Variants in CNTNAP2 observed in about 807,000 individuals in gnomAD.
CNTNAP2 encodes the protein contactin associated protein 2.
In CNTNAP2, 98 loss-of-function variants were observed where a neutral mutation model predicts 155.2. The observed-to-expected ratio is 0.63, with a 90% confidence interval of 0.54 to 0.75. The LOEUF is 0.75. CNTNAP2 is among the 30% of genes least tolerant of loss of function. The probability of loss-of-function intolerance (pLI) is 0.00; values close to 1 mark genes in which losing one functional copy is unlikely to be tolerated. For synonymous variants in CNTNAP2, 651 were observed against 631.2 expected (o/e 1.03, Z -0.47); for missense variants, 1,727 against 1,688.1 (o/e 1.02, Z -0.40).
At chr7:147,288,635 GT>G (rs1303286542) in intron 8 of CNTNAP2, among the ~76,000 whole-genome samples, 1 of 152,188 alleles carries the variant, frequency 6.6e-6, no homozygotes, top group African/African-American at 2.4e-5. Context: ...GTAGTTTGCA[GT>G]TACTCATGGC....
intron 1 of CNTNAP2, among the ~76,000 whole-genome samples, chr7:146,144,298 C>T (rs6978390): frequency 0.021 from 3,142 of 151,960 alleles, 119 homozygotes; most frequent in African/African-American, 0.072. Context: ...ACCACAGGTG[C>T]GCACCAGCGT....
At chr7:148,409,183 A>T (rs1236068659) in intron 22 of CNTNAP2, among the ~76,000 whole-genome samples, 1 of 152,194 alleles carries the variant, frequency 6.6e-6, no homozygotes, top group African/African-American at 2.4e-5. Flanking sequence ...GTGTTTACCT[A>T]GGCCTTGTGC....
At chr7:148,228,871 C>T (rs1376799508) in intron 19 of CNTNAP2, among the ~76,000 whole-genome samples, 1 of 150,664 alleles carries the variant, frequency 6.6e-6, no homozygotes, top group Non-Finnish European at 1.5e-5. Flanking sequence ...ATTGTATGCT[C>T]ATGATTCTTT....
chr7:147,068,859 A>T, intron 4 of CNTNAP2, among the ~76,000 whole-genome samples: 1 of 152,162 alleles, frequency 6.6e-6, no homozygotes, highest in East Asian at 1.9e-4. Context: ...CCCGTGTGTT[A>T]GTCCTTTCTG....
intron 13 of CNTNAP2, among the ~76,000 whole-genome samples, chr7:147,891,838 T>C (rs1330633321): frequency 6.6e-6 from 1 of 152,086 alleles, no homozygotes; most frequent in African/African-American, 2.4e-5. Context: ...ATTAACTTGA[T>C]ACCAAAAACA....
At chr7:146,987,548 G>A (rs1798134405) in intron 3 of CNTNAP2, among the ~76,000 whole-genome samples, 1 of 152,068 alleles carries the variant, frequency 6.6e-6, no homozygotes, top group Admixed American at 6.5e-5. Context: ...AAATGGATTA[G>A]TTTGCAAAAC....
At chr7:147,071,520 ATCAATTTT>A (rs1799891280) in intron 4 of CNTNAP2, among the ~76,000 whole-genome samples, 1 of 152,106 alleles carries the variant, frequency 6.6e-6, no homozygotes, top group Admixed American at 6.6e-5. Context: ...AAAGCTTCAT[ATCAATTTT>A]TGTAACCCCA....
At chr7:146,287,436 G>C (rs1418728526) in intron 1 of CNTNAP2, among the ~76,000 whole-genome samples, 1 of 152,156 alleles carries the variant, frequency 6.6e-6, no homozygotes, top group East Asian at 1.9e-4. Context: ...GCCTGTAGGG[G>C]CAACTTCTCC....
intron 11 of CNTNAP2, among the ~76,000 whole-genome samples, chr7:147,543,622 ATGTTT>A (rs1175834656): frequency 3.9e-5 from 6 of 152,138 alleles, no homozygotes; most frequent in African/African-American, 7.2e-5. Flanking sequence ...CAGAGTTTTT[ATGTTT>A]TATTCCCAAG....
chr7:148,125,716 T>G (rs75451457), intron 16 of CNTNAP2, among the ~76,000 whole-genome samples: 1 of 150,284 alleles, frequency 6.7e-6, no homozygotes, highest in South Asian at 2.1e-4. Context: ...TTTTTTTTTT[T>G]GGACAGATTC....
Position 146,754,128 on chromosome 7 carries a change from T to C in CNTNAP2, c.98-20143T>C, listed in dbSNP as rs146472608. On this transcript the variant is annotated intron_variant, in intron 1 of 23. Transcript: ENST00000361727. ...TGAAGTTTAATGCCTCATATCTTAA[T>C]ATTCTCTTTTGATTCCCTTAAGGCA... 3.7e-4 allele frequency among the ~76,000 whole-genome samples: 56 copies of C among 152,110 alleles called. No individual in the cohort carries two copies. The East Asian group carries it at 9.7e-3, about 26-fold the overall frequency.
Position 147,121,164 on chromosome 7 carries a change from G to A in CNTNAP2, c.939+1G>A. ...TGACTACCTGGACTTGGACTATGAG[G>A]TACATGTGATGACGTAGAAATTGTA... On this transcript the variant is annotated splice_donor_variant, in intron 6 of 23. Transcript: ENST00000361727. LOFTEE classifies it high-confidence loss of function. The A allele has an allele frequency of 6.2e-7, 1 of 1,613,914 alleles. No individual in the cohort carries two copies. The highest frequency in any genetic ancestry group is 2.2e-5 in the East Asian group (1 of 44,880).
At chr7:147,396,345 T>A (rs1039360817) in intron 10 of CNTNAP2, among the ~76,000 whole-genome samples, 1 of 151,738 alleles carries the variant, frequency 6.6e-6, no homozygotes, top group Non-Finnish European at 1.5e-5. Context: ...ATGTGCCTTC[T>A]CTTTCTGTCT....
At chr7:147,997,944 G>A (rs982107920) in intron 15 of CNTNAP2, among the ~76,000 whole-genome samples, 2 of 152,012 alleles carry the variant, frequency 1.3e-5, no homozygotes, top group Admixed American at 1.3e-4. Context: ...GTCTGAGGAC[G>A]GATGAAATCA....
intron 1 of CNTNAP2, among the ~76,000 whole-genome samples, chr7:146,667,266 C>T (rs752496351): frequency 2.0e-5 from 3 of 152,034 alleles, no homozygotes; most frequent in African/African-American, 4.8e-5. Context: ...GTTTTCAGTA[C>T]ATTTGTCAAA....
chr7:148,241,651 TA>T (rs1796159672), intron 20 of CNTNAP2, among the ~76,000 whole-genome samples: 2 of 152,230 alleles, frequency 1.3e-5, no homozygotes, highest in African/African-American at 4.8e-5. Context: ...AGGATCACAT[TA>T]GCTTATTTAT....
At chr7:146,824,923 C>G (rs1803371102) in intron 2 of CNTNAP2, among the ~76,000 whole-genome samples, 1 of 149,472 alleles carries the variant, frequency 6.7e-6, no homozygotes, top group Admixed American at 6.7e-5. Flanking sequence ...TAGCCCATTG[C>G]TATGTCAACC....
intron 1 of CNTNAP2, among the ~76,000 whole-genome samples, chr7:146,660,896 C>T (rs1203807742): frequency 6.6e-6 from 1 of 152,132 alleles, no homozygotes; most frequent in Non-Finnish European, 1.5e-5. Context: ...TGGCTCTTAG[C>T]CACCTCACCA....
chr7:146,249,832 A>G (rs905233894), intron 1 of CNTNAP2, among the ~76,000 whole-genome samples: 1 of 152,212 alleles, frequency 6.6e-6, no homozygotes, highest in South Asian at 2.1e-4. Flanking sequence ...AGAAATGTCA[A>G]GAAAGACTTA....
Sources: allele counts gnomAD v4.1 joint callset (sites outside exome capture counted in the v4.1 genomes callset), GRCh38; gene constraint gnomAD v4.1.1; transcripts MANE v1.5; gene names NCBI Gene and HGNC (gene_info 2026-07-23, HGNC 2026-07-21).